The following NCOA2 variants were observed in gnomAD, a reference collection of about 807,000 sequenced individuals.
NCOA2 encodes the protein nuclear receptor coactivator 2.
Under a neutral mutation model 145.1 loss-of-function variants are expected in NCOA2, and 21 were observed. The ratio of observed to expected loss-of-function variants is 0.14; its 90% CI spans 0.10 to 0.21. The LOEUF is 0.21. Ranked by LOEUF, NCOA2 falls within the 10% of genes least tolerant of loss-of-function variation. NCOA2 has a pLI of 1.00. For missense variants in NCOA2, 1,472 were observed against 1,837.6 expected, an observed-to-expected ratio of 0.80 and a Z score of 3.64; for synonymous variants, 619 against 637.5, an observed-to-expected ratio of 0.97 and a Z score of 0.44.
chr8:70,286,143 T>A (rs1052909192), intron 2 of NCOA2, among the ~76,000 whole-genome samples: 4 of 152,186 alleles, frequency 2.6e-5, no homozygotes, highest in African/African-American at 9.7e-5. Context: ...CTGTGTACAG[T>A]GGCTCATGCC....
intron 1 of NCOA2, among the ~76,000 whole-genome samples, chr8:70,314,422 C>A (rs1451656603): frequency 6.6e-6 from 1 of 151,764 alleles, no homozygotes; most frequent in Non-Finnish European, 1.5e-5. Context: ...AAACTACTTA[C>A]AAAAACAATA....
chr8:70,302,851 T>C (rs1342612464), intron 1 of NCOA2, among the ~76,000 whole-genome samples: 2 of 152,164 alleles, frequency 1.3e-5, no homozygotes, highest in Non-Finnish European at 2.9e-5. Flanking sequence ...TTATAACAGA[T>C]ATATAGAAAA....
chr8:70,373,520 T>C (rs1811402311), intron 1 of NCOA2, among the ~76,000 whole-genome samples: 1 of 152,222 alleles, frequency 6.6e-6, no homozygotes, highest in African/African-American at 2.4e-5. Context: ...TAACAGCTTC[T>C]TTAGAACAGC....
intron 1 of NCOA2, among the ~76,000 whole-genome samples, chr8:70,336,054 TG>T (rs920172042): frequency 3.9e-5 from 6 of 152,192 alleles, no homozygotes; most frequent in South Asian, 4.1e-4. Context: ...CTTGCAGGAC[TG>T]GAAGATGCTG....
Position 70,251,445 on chromosome 8 carries a change from A to G in NCOA2, c.-19-34681T>C, listed in dbSNP as rs576325755. On this transcript the variant is annotated intron_variant, in intron 2 of 22. Transcript: ENST00000452400. ...CATCTCAGCATTTGTACTTCATCCA[A>G]GGATTTCAGAGGCTTGAAATGACTG... 1.2e-4 allele frequency among the ~76,000 whole-genome samples: 18 copies of G among 152,358 alleles called. No homozygotes were observed. The South Asian group carries it at 3.7e-3, about 32-fold the overall frequency.
intron 1 of NCOA2, among the ~76,000 whole-genome samples, chr8:70,355,393 T>C (rs1809591721): frequency 6.6e-6 from 1 of 152,210 alleles, no homozygotes; most frequent in Admixed American, 6.5e-5. Flanking sequence ...TGAGCCTACA[T>C]GTGCCAGACA....
intron 4 of NCOA2, among the ~76,000 whole-genome samples, chr8:70,194,349 T>C: frequency 6.6e-6 from 1 of 152,242 alleles, no homozygotes. Context: ...CCTTCATTTT[T>C]GATCAATGAT....
chr8:70,149,385 C>G (rs1811496165), intron 11 of NCOA2, among the ~76,000 whole-genome samples: 1 of 146,104 alleles, frequency 6.8e-6, no homozygotes, highest in African/African-American at 2.5e-5. Flanking sequence ...CAGGCATGCA[C>G]CACCACCACC....
At chr8:70,113,730 C>G in intron 22 of NCOA2, 87 bp from the exon 23 acceptor site, 2 of 1,299,306 alleles carry the variant, frequency 1.5e-6, no homozygotes. Flanking sequence ...CATCAAAATT[C>G]CTGACTGTTT....
At chr8:70,117,781 C>T (rs1287546699) in intron 22 of NCOA2, among the ~76,000 whole-genome samples, 1 of 152,204 alleles carries the variant, frequency 6.6e-6, no homozygotes, top group Non-Finnish European at 1.5e-5. Context: ...GTAGCTCTAC[C>T]AGACAGTTGT....
chr8:70,117,642 C>A (rs1226706429), intron 22 of NCOA2, among the ~76,000 whole-genome samples: 2 of 152,226 alleles, frequency 1.3e-5, no homozygotes, highest in African/African-American at 4.8e-5. Context: ...ATCTCACAAG[C>A]CCTCAGTGTT....
chr8:70,139,644 CTTTTTTTTT>C (rs911504754), intron 14 of NCOA2, among the ~76,000 whole-genome samples: 14 of 91,856 alleles, frequency 1.5e-4, no homozygotes, highest in Non-Finnish European at 2.2e-4. Flanking sequence ...CGCTGGCCAT[CTTTTTTTTT>C]TTTTTTTTTT....
intron 9 of NCOA2, among the ~76,000 whole-genome samples, chr8:70,161,454 GAC>G (rs1812989824): frequency 6.6e-6 from 1 of 152,070 alleles, no homozygotes; most frequent in South Asian, 2.1e-4. Flanking sequence ...AATGACGGAA[GAC>G]ACAAGTTGTT....
rs772219089 is a variant in NCOA2 at position 70,174,841 on chromosome 8, T to C, written c.278A>G (p.Asn93Ser). The C allele has an allele frequency of 3.1e-6, 5 of 1,613,636 alleles. No individual in the cohort carries two copies. The highest frequency in any genetic ancestry group is 2.2e-5 in the South Asian group (2 of 91,080). ...IKEQEKAAAA[N>S]IDEVQKSDVS... is the part of the protein sequence containing the mutation. ...ATCTGACTTCTGCACTTCATCTATG[T>C]TGGCAGCTGCTGCTTTCTCTGCAAT... The change falls in exon 5 of 23, where the codon AAC becomes AGC. Residue 93 changes from asparagine (N) to serine (S), a missense_variant. Asn to Ser is a conservative substitution (Grantham distance 46, BLOSUM62 1). Transcript: ENST00000452400.
At position 70,112,580 on chromosome 8, in the gene NCOA2, G is replaced by C. The variant is rs759871471; in HGVS notation, c.*1052C>G. 1 of 204,446 alleles carries C rather than the reference G, an allele frequency of 4.9e-6. No individual in the cohort carries two copies. Among genetic ancestry groups the C allele is most frequent in the Non-Finnish European group, 1.0e-5 (1 of 100,002 alleles). 12.7% of individuals were successfully genotyped at this position (204,446 alleles called of 1,614,324 possible). A position where few individuals can be genotyped will look rare whatever the true frequency, so the allele number is the denominator to read the frequency against. On this transcript the variant is annotated 3_prime_UTR_variant, in exon 23 of 23. Coordinates refer to ENST00000452400, the MANE Select transcript of NCOA2 (RefSeq NM_006540.4). ...GGAACAGAATAAACATGCTTCCAAA[G>C]CAGGTATCCTTAGCTCGATTGGTAT...
intron 1 of NCOA2, among the ~76,000 whole-genome samples, chr8:70,350,498 T>C (rs1432767543): frequency 1.3e-5 from 2 of 152,208 alleles, no homozygotes; most frequent in Non-Finnish European, 2.9e-5. Context: ...ACCCACATAA[T>C]ACACTTTTTC....
intron 2 of NCOA2, among the ~76,000 whole-genome samples, chr8:70,279,021 G>GTTC (rs1396336148): frequency 2.0e-5 from 3 of 151,550 alleles, no homozygotes; most frequent in Admixed American, 1.3e-4. Flanking sequence ...ATCCGTCAAT[G>GTTC]AATCCCTATG....
chr8:70,266,814 C>CTA (rs1275368510), intron 2 of NCOA2, among the ~76,000 whole-genome samples: 2 of 152,232 alleles, frequency 1.3e-5, no homozygotes, highest in Admixed American at 6.5e-5. Flanking sequence ...CACAGAATGC[C>CTA]TATATATATA....
intron 1 of NCOA2, among the ~76,000 whole-genome samples, chr8:70,378,825 G>A (rs1034675215): frequency 6.6e-6 from 1 of 150,424 alleles, no homozygotes; most frequent in Non-Finnish European, 1.5e-5. Context: ...ATGCTGACTA[G>A]TAATTGTGAA....
Sources: gnomAD v4.1 joint callset for allele counts (sites outside exome capture counted in the v4.1 genomes callset) on GRCh38, gnomAD v4.1.1 for gene constraint, MANE v1.5 for transcripts, NCBI Gene and HGNC (gene_info 2026-07-23, HGNC 2026-07-21) for gene names.